SLC39A11: variants seen among roughly 807,000 people sequenced by gnomAD.
SLC39A11 encodes solute carrier family 39 member 11, also known as zinc transporter ZIP11.
Under a neutral mutation model 36.1 loss-of-function variants are expected in SLC39A11, and 33 were observed. The observed-to-expected ratio is 0.91, with a 90% CI of 0.69 to 1.22. SLC39A11 has a LOEUF of 1.22. Ranked by LOEUF, SLC39A11 falls within the 50% of genes most tolerant of loss-of-function variation. The pLI, the probability that SLC39A11 is intolerant of heterozygous loss-of-function variation, is 0.00. For missense variants in SLC39A11, 432 were observed against 430.3 expected, an observed-to-expected ratio of 1.00 and a Z score of -0.03; for synonymous variants, 166 against 170.3, an observed-to-expected ratio of 0.97 and a Z score of 0.20.
chr17:73,065,427 C>G (rs1452592647), intron 3 of SLC39A11, among the ~76,000 whole-genome samples: 1 of 151,854 alleles, frequency 6.6e-6, no homozygotes, highest in African/African-American at 2.4e-5. Flanking sequence ...AAAAATAAAC[C>G]AATAAAGGTA....
chr17:72,665,073 T>TTC (rs148605784), intron 7 of SLC39A11, among the ~76,000 whole-genome samples: 1 of 152,168 alleles, frequency 6.6e-6, no homozygotes, highest in Admixed American at 6.5e-5. Context: ...TCTTTCTCTC[T>TTC]TCTCTCTCTC....
chr17:72,994,728 G>T (rs2089401724), intron 4 of SLC39A11, among the ~76,000 whole-genome samples: 1 of 152,148 alleles, frequency 6.6e-6, no homozygotes, highest in African/African-American at 2.4e-5. Flanking sequence ...TGACCCGCTT[G>T]ATCTCTGTGC....
intron 6 of SLC39A11, among the ~76,000 whole-genome samples, chr17:72,761,794 A>G (rs1480473752): frequency 1.3e-5 from 2 of 152,196 alleles, no homozygotes; most frequent in African/African-American, 4.8e-5. Context: ...GCCAATTGCA[A>G]TGTCCTAATG....
intron 3 of SLC39A11, among the ~76,000 whole-genome samples, chr17:73,041,139 C>T (rs1442439445): frequency 6.6e-6 from 1 of 152,110 alleles, no homozygotes; most frequent in Non-Finnish European, 1.5e-5. Flanking sequence ...TGGAATATCA[C>T]AGAATGTACG....
chr17:72,957,582 G>C (rs1291036710), intron 4 of SLC39A11, among the ~76,000 whole-genome samples: 1 of 152,260 alleles, frequency 6.6e-6, no homozygotes, highest in Non-Finnish European at 1.5e-5. Flanking sequence ...ACTTTGGGAG[G>C]CCAAGGCAGA....
chr17:72,855,891 C>G (rs1338462212), intron 5 of SLC39A11, among the ~76,000 whole-genome samples: 1 of 149,916 alleles, frequency 6.7e-6, no homozygotes, highest in Admixed American at 6.6e-5. Flanking sequence ...AGCGAGAATC[C>G]GTCTCAAAAA....
At chr17:72,659,013 C>T (rs1332237150) in intron 7 of SLC39A11, among the ~76,000 whole-genome samples, 1 of 152,122 alleles carries the variant, frequency 6.6e-6, no homozygotes. Flanking sequence ...AAAGGGTGTG[C>T]CTTAGCCTTC....
At chr17:72,954,803 C>T (rs1182166542) in intron 4 of SLC39A11, among the ~76,000 whole-genome samples, 3 of 152,162 alleles carry the variant, frequency 2.0e-5, no homozygotes, top group Non-Finnish European at 2.9e-5. Context: ...GCCAGGCTGG[C>T]TCCCGGTGAT....
intron 5 of SLC39A11, among the ~76,000 whole-genome samples, chr17:72,880,555 A>G (rs921131399): frequency 3.9e-5 from 6 of 152,168 alleles, no homozygotes; most frequent in Admixed American, 2.0e-4. Flanking sequence ...ACCTGTCTCA[A>G]AAAAAGGAAA....
intron 3 of SLC39A11, among the ~76,000 whole-genome samples, chr17:73,083,626 T>C (rs1446678084): frequency 5.3e-5 from 8 of 152,028 alleles, no homozygotes; most frequent in Non-Finnish European, 1.2e-4. Context: ...TACAGGGGAC[T>C]GAGGAACAAG....
intron 3 of SLC39A11, among the ~76,000 whole-genome samples, chr17:73,063,554 G>A (rs1291468209): frequency 6.6e-6 from 1 of 152,074 alleles, no homozygotes; most frequent in African/African-American, 2.4e-5. Flanking sequence ...GGCAGAGGTT[G>A]CAATGAGCCG....
chr17:73,082,553 G>GA (rs911815680), intron 3 of SLC39A11, among the ~76,000 whole-genome samples: 9 of 151,662 alleles, frequency 5.9e-5, no homozygotes, highest in East Asian at 3.9e-4. Context: ...GAGGATGGGG[G>GA]AAAAAAAGAG....
At chr17:72,822,953 C>G (rs2077858808) in intron 6 of SLC39A11, among the ~76,000 whole-genome samples, 1 of 148,502 alleles carries the variant, frequency 6.7e-6, no homozygotes, top group Admixed American at 6.7e-5. Flanking sequence ...CCTGGCTGGT[C>G]TCAAACTCCT....
At chr17:72,725,777 C>A (rs1465734633) in intron 7 of SLC39A11, among the ~76,000 whole-genome samples, 1 of 152,102 alleles carries the variant, frequency 6.6e-6, no homozygotes, top group Non-Finnish European at 1.5e-5. Flanking sequence ...AAGGAGCTGC[C>A]AATAGATCAC....
intron 6 of SLC39A11, among the ~76,000 whole-genome samples, chr17:72,746,652 G>A (rs1166179849): frequency 6.6e-6 from 1 of 152,066 alleles, no homozygotes; most frequent in Non-Finnish European, 1.5e-5. Context: ...ACAGGATAAT[G>A]GTGTGAACCC....
At chr17:72,770,630 T>G (rs2075900041) in intron 6 of SLC39A11, among the ~76,000 whole-genome samples, 2 of 152,178 alleles carry the variant, frequency 1.3e-5, no homozygotes, top group Admixed American at 1.3e-4. Flanking sequence ...CCAGTCAATC[T>G]CATCTCATGC....
intron 6 of SLC39A11, among the ~76,000 whole-genome samples, chr17:72,805,186 G>A (rs1232068344): frequency 2.0e-5 from 3 of 152,132 alleles, no homozygotes; most frequent in Admixed American, 2.0e-4. Context: ...GTGGGTTGGT[G>A]GGGGCTCTGG....
intron 5 of SLC39A11, among the ~76,000 whole-genome samples, chr17:72,892,942 T>C (rs1318397412): frequency 6.6e-6 from 1 of 152,108 alleles, no homozygotes; most frequent in Non-Finnish European, 1.5e-5. Flanking sequence ...CAGGGTAGGT[T>C]CTCCAAGAGG....
intron 3 of SLC39A11, among the ~76,000 whole-genome samples, chr17:73,052,956 C>T (rs1354039127): frequency 6.6e-6 from 1 of 152,234 alleles, no homozygotes; most frequent in Admixed American, 6.5e-5. Flanking sequence ...CTGCCTCAGC[C>T]TCCCAAAGTG....
Sources: allele counts gnomAD v4.1 joint callset (sites outside exome capture counted in the v4.1 genomes callset), GRCh38; gene constraint gnomAD v4.1.1; transcripts MANE v1.5; gene names NCBI Gene and HGNC (gene_info 2026-07-23, HGNC 2026-07-21).